Variants in SEMA6A observed in about 807,000 individuals in gnomAD.
SEMA6A encodes semaphorin 6A.
A neutral mutation model predicts 96.8 loss-of-function variants in SEMA6A; 25 were observed. The ratio of observed to expected loss-of-function variants is 0.26; its 90% confidence interval spans 0.19 to 0.36. The LOEUF (loss-of-function observed/expected upper bound fraction) is 0.36, where lower values mean the gene tolerates loss of function less well. Among genes scored for constraint, SEMA6A ranks in the 10% least tolerant of loss-of-function variants. The probability of loss-of-function intolerance (pLI) is 1.00; values close to 1 mark genes in which losing one functional copy is unlikely to be tolerated. For synonymous variants in SEMA6A, 612 were observed against 518.0 expected, an observed-to-expected ratio of 1.18 and a Z score of -2.46; for missense variants, 1,363 against 1,323.1, an observed-to-expected ratio of 1.03 and a Z score of -0.47.
chr5:116,462,764 T>C (rs940120741), intron 18 of SEMA6A, among the ~76,000 whole-genome samples: 5 of 152,176 alleles, frequency 3.3e-5, no homozygotes, highest in African/African-American at 1.2e-4. Flanking sequence ...TTCTTGGTAA[T>C]AGTTTAATCT....
intron 3 of SEMA6A, among the ~76,000 whole-genome samples, chr5:116,497,722 T>C (rs1466736256): frequency 6.6e-6 from 1 of 152,238 alleles, no homozygotes; most frequent in Non-Finnish European, 1.5e-5. Flanking sequence ...AGAACACAGA[T>C]GGATTCGTGT....
At chr5:116,566,462 A>C (rs115173536) in intron 1 of SEMA6A, among the ~76,000 whole-genome samples, 2,285 of 152,302 alleles carry the variant, frequency 0.015, 62 homozygotes, top group African/African-American at 0.052. Context: ...GCTAAGAAGG[A>C]TCTGAAACTT....
intron 1 of SEMA6A, among the ~76,000 whole-genome samples, chr5:116,573,534 T>C (rs955360623): frequency 1.3e-5 from 2 of 152,002 alleles, no homozygotes; most frequent in Admixed American, 6.5e-5. Flanking sequence ...CCGGAACCTC[T>C]GGTGGCAGCG....
intron 18 of SEMA6A, among the ~76,000 whole-genome samples, chr5:116,462,711 A>G (rs1755488779): frequency 6.6e-6 from 1 of 152,164 alleles, no homozygotes; most frequent in South Asian, 2.1e-4. Context: ...AGGAGAGGGT[A>G]TAGTGGTCAT....
At chr5:116,529,979 C>T (rs1759390909) in intron 1 of SEMA6A, among the ~76,000 whole-genome samples, 1 of 151,986 alleles carries the variant, frequency 6.6e-6, no homozygotes, top group Non-Finnish European at 1.5e-5. Context: ...CATGTATACC[C>T]TCGGAACCTA....
intron 17 of SEMA6A, among the ~76,000 whole-genome samples, chr5:116,469,724 G>A (rs1291415796): frequency 1.3e-5 from 2 of 152,110 alleles, no homozygotes; most frequent in African/African-American, 2.4e-5. Context: ...TTCTTAATAC[G>A]GTAATCTAGG....
At chr5:116,479,736 T>A (rs985470885) in intron 12 of SEMA6A, among the ~76,000 whole-genome samples, 3 of 152,234 alleles carry the variant, frequency 2.0e-5, no homozygotes, top group African/African-American at 7.2e-5. Flanking sequence ...AAACAATCCA[T>A]GAGCCATGCT....
At chr5:116,479,247 C>T (rs182783555) in intron 12 of SEMA6A, among the ~76,000 whole-genome samples, 4 of 152,218 alleles carry the variant, frequency 2.6e-5, no homozygotes, top group East Asian at 1.9e-4. Flanking sequence ...GACCTGCAAG[C>T]CAAACAATAT....
rs1255680535 is a variant in SEMA6A at position 116,445,525 on chromosome 5, C to G, written c.*1088G>C. On this transcript the variant is annotated 3_prime_UTR_variant, in exon 19 of 19. Transcript: ENST00000343348. Reference sequence around the variant, plus strand: ...ACCATGGACAAAACCATGTTGGCATCAATGAGATATGATGTGCCATTCTAA... The same window carrying G: ...ACCATGGACAAAACCATGTTGGCATGAATGAGATATGATGTGCCATTCTAA... 2 of 152,612 alleles carry G rather than the reference C, an allele frequency of 1.3e-5. No homozygotes were observed. The highest frequency in any genetic ancestry group is 2.9e-5 in the Non-Finnish European group (2 of 68,042). The allele number at this position is 152,612 out of a possible 1,614,324, so 9.5% of individuals were successfully genotyped here.
intron 10 of SEMA6A, among the ~76,000 whole-genome samples, chr5:116,486,382 A>G (rs1757049226): frequency 6.6e-6 from 1 of 152,218 alleles, no homozygotes; most frequent in Admixed American, 6.5e-5. Flanking sequence ...TCTACTGACT[A>G]CTTAGACCAG....
intron 1 of SEMA6A, among the ~76,000 whole-genome samples, chr5:116,547,837 A>G (rs1480257760): frequency 1.3e-5 from 2 of 151,808 alleles, no homozygotes; most frequent in African/African-American, 4.8e-5. Flanking sequence ...CAGCACTGTT[A>G]ATTAAGGTAT....
Position 116,480,147 on chromosome 5 carries a change from G to A in SEMA6A, c.1225C>T (p.Pro409Ser). 2 of 1,613,824 alleles carry A rather than the reference G, an allele frequency of 1.2e-6. No homozygotes were observed. Among genetic ancestry groups the A allele is most frequent in the Non-Finnish European group, 1.7e-6 (2 of 1,179,774 alleles). The change falls in exon 12 of 19, where the codon CCA becomes TCA. Residue 409 changes from proline to serine, a missense_variant. Coordinates refer to ENST00000343348, the MANE Select transcript of SEMA6A (RefSeq NM_020796.5). ...DEAVPSIFNR[P>S]WFLRTMVRYR... is the part of the protein sequence containing the mutation. ...CTGACCATTGTTCTCAGGAACCATG[G>A]CCTGTTGAAGATGGAGGGCACTGCC...
intron 1 of SEMA6A, among the ~76,000 whole-genome samples, chr5:116,537,263 A>T (rs1759757220): frequency 6.6e-6 from 1 of 152,224 alleles, no homozygotes. Context: ...ACTGGGAAGG[A>T]TGTGTGAACT....
At chr5:116,528,434 T>C (rs1212421001) in intron 1 of SEMA6A, among the ~76,000 whole-genome samples, 1 of 152,188 alleles carries the variant, frequency 6.6e-6, no homozygotes, top group Non-Finnish European at 1.5e-5. Flanking sequence ...GCAGAAGCAG[T>C]TGATTGTCAG....
intron 1 of SEMA6A, among the ~76,000 whole-genome samples, chr5:116,559,550 C>CCGCCTTGTGTTGTTTGTTGGTG (rs1760736730): frequency 6.6e-6 from 1 of 152,178 alleles, no homozygotes; most frequent in African/African-American, 2.4e-5. Flanking sequence ...TTACTCCACA[C>CCGCCTTGTGTTGTTTGTTGGTG]CGCCTTGTGT....
intron 1 of SEMA6A, among the ~76,000 whole-genome samples, chr5:116,564,271 GA>G (rs1199725224): frequency 6.6e-6 from 1 of 151,928 alleles, no homozygotes; most frequent in Non-Finnish European, 1.5e-5. Flanking sequence ...TAGTAAAAAG[GA>G]AAAAAATGAC....
chr5:116,509,607 T>TGA (rs113431602), intron 1 of SEMA6A, among the ~76,000 whole-genome samples: 15,291 of 150,494 alleles, frequency 0.1, 893 homozygotes, highest in Non-Finnish European at 0.13. Context: ...TCTGTGTGTG[T>TGA]GAGAGAGAGA....
At chr5:116,514,772 C>T (rs747443116) in intron 1 of SEMA6A, among the ~76,000 whole-genome samples, 3 of 152,202 alleles carry the variant, frequency 2.0e-5, no homozygotes, top group Non-Finnish European at 4.4e-5. Flanking sequence ...TGATTTCCAT[C>T]TTACCAACTC....
chr5:116,452,947 T>C (rs1288195575), intron 18 of SEMA6A, among the ~76,000 whole-genome samples: 3 of 152,246 alleles, frequency 2.0e-5, no homozygotes, highest in Non-Finnish European at 4.4e-5. Flanking sequence ...AGGCAAGTGC[T>C]TGCATACAAC....
Sources: gnomAD v4.1 joint callset for allele counts (sites outside exome capture counted in the v4.1 genomes callset) on GRCh38, gnomAD v4.1.1 for gene constraint, MANE v1.5 for transcripts, NCBI Gene and HGNC (gene_info 2026-07-23, HGNC 2026-07-21) for gene names.